The following TMEM41B variants were observed in gnomAD, a reference collection of about 807,000 sequenced individuals.
TMEM41B encodes the protein transmembrane protein 41B.
Under a neutral mutation model 31.9 loss-of-function variants are expected in TMEM41B, and 18 were observed. That is an observed-to-expected ratio of 0.56 (90% CI 0.39 to 0.84). The LOEUF (loss-of-function observed/expected upper bound fraction) is 0.84. Ranked by LOEUF, TMEM41B falls within the 40% of genes least tolerant of loss-of-function variation. The pLI, the probability that TMEM41B is intolerant of heterozygous loss-of-function variation, is 0.00. For missense variants in TMEM41B, 322 were observed against 348.0 expected, an observed-to-expected ratio of 0.93 and a Z score of 0.59; for synonymous variants, 144 against 124.3, an observed-to-expected ratio of 1.16 and a Z score of -1.05.
At chr11:9,300,914 A>C (rs941421603) in intron 1 of TMEM41B, among the ~76,000 whole-genome samples, 1 of 151,882 alleles carries the variant, frequency 6.6e-6, no homozygotes, top group Non-Finnish European at 1.5e-5. Flanking sequence ...AAAAGTATGG[A>C]ATGAGATTCC....
intron 2 of TMEM41B, among the ~76,000 whole-genome samples, chr11:9,296,029 G>T (rs891873024): frequency 6.7e-6 from 1 of 149,332 alleles, no homozygotes; most frequent in East Asian, 2.0e-4. Context: ...ACTAATTTTT[G>T]TATTTTTAGT....
rs758038217 is a variant in TMEM41B, at chr11:9,314,479, C to A, written c.-38G>T. 49 of 1,529,514 alleles carry A rather than the reference C, an allele frequency of 3.2e-5. No individual in the cohort carries two copies. The highest frequency in any genetic ancestry group is 8.3e-5 in the African/African-American group (6 of 72,256). The allele number at this position is 1,529,514 out of a possible 1,614,324, so 94.7% of individuals were successfully genotyped here. On this transcript the variant is annotated 5_prime_UTR_variant, in exon 1 of 7. Coordinates refer to ENST00000528080, the MANE Select transcript of TMEM41B (RefSeq NM_015012.4). Reference sequence around the variant, plus strand: ...GTGAAGGGAGCGGTGCGGTGCCGCGCCCCCTAAACAACAAAACTCTGTTGC... The same window carrying A: ...GTGAAGGGAGCGGTGCGGTGCCGCGACCCCTAAACAACAAAACTCTGTTGC...
intron 1 of TMEM41B, among the ~76,000 whole-genome samples, chr11:9,304,188 CAG>C (rs1177937384): frequency 2.0e-5 from 3 of 152,056 alleles, no homozygotes. Context: ...TTTTGGAACA[CAG>C]AGAATTAAAA....
rs188181044 is a variant in TMEM41B, at chr11:9,311,466, C to A, written c.121+2855G>T. Reference sequence around the variant, plus strand: ...CGGTGGGTATGGAGGAGGGTAGGGACCCGAGGATTGGCATCCTGGATACCC... The same window carrying A: ...CGGTGGGTATGGAGGAGGGTAGGGAACCGAGGATTGGCATCCTGGATACCC... On this transcript the variant is annotated intron_variant, in intron 1 of 6. Transcript: ENST00000528080. 2.5e-4 allele frequency: 358 copies of A among 1,423,528 alleles called. 2 individuals are homozygous for A. In the African/African-American group the frequency reaches 4.7e-3, roughly 19 times the overall value. The allele number at this position is 1,423,528 out of a possible 1,614,324, so 88.2% of individuals were successfully genotyped here. A position where few individuals can be genotyped will look rare whatever the true frequency, so the allele number is the denominator to read the frequency against.
intron 1 of TMEM41B, chr11:9,311,165 G>A (rs1320170896): frequency 1.6e-5 from 19 of 1,186,210 alleles, no homozygotes; most frequent in African/African-American, 9.2e-5. Flanking sequence ...AAGCTCAGGC[G>A]GGGGTAGGGT....
At chr11:9,297,855 G>T (rs1853137427) in intron 2 of TMEM41B, among the ~76,000 whole-genome samples, 1 of 151,746 alleles carries the variant, frequency 6.6e-6, no homozygotes, top group African/African-American at 2.4e-5. Flanking sequence ...CCTATGGCTG[G>T]GAACAGTGGC....
rs1853642058 is a variant in TMEM41B, at chr11:9,314,421, G to C, written c.21C>G (p.Ala7=). 11 of 1,561,246 alleles carry C rather than the reference G, an allele frequency of 7.0e-6. No homozygotes were observed. Among genetic ancestry groups the C allele is most frequent in the Non-Finnish European group, 9.5e-6 (11 of 1,152,404 alleles). ...GGTGAGCGCCCAACTGCGATCGTTC[G>C]GCGACTCTGCCTTTCGCCATGGCTG... is the stretch of plus-strand genomic sequence containing the variant. MAKGRV[A]ERSQLGAHHT... is the part of the protein sequence containing the mutation. Residue 7 remains alanine, a synonymous_variant, in exon 1 of 7, where the codon GCC becomes GCG. Transcript: ENST00000528080.
At chr11:9,303,461 T>C (rs552184726) in intron 1 of TMEM41B, among the ~76,000 whole-genome samples, 1 of 152,016 alleles carries the variant, frequency 6.6e-6, no homozygotes, top group Admixed American at 6.6e-5. Context: ...TTAATATCTG[T>C]TTATAATTTA....
chr11:9,287,316 A>C (rs1323328389), intron 5 of TMEM41B, among the ~76,000 whole-genome samples: 1 of 152,184 alleles, frequency 6.6e-6, no homozygotes, highest in Non-Finnish European at 1.5e-5. Context: ...GTCTCAAAAA[A>C]AGAAAAGAAA....
At position 9,298,434 on chromosome 11, in the gene TMEM41B, G is replaced by A. The variant is rs191376834; in HGVS notation, c.239+1150C>T. 3.3e-4 allele frequency among the ~76,000 whole-genome samples: 48 copies of A among 147,068 alleles called. No homozygotes were observed. In the East Asian group the frequency reaches 6.0e-3, roughly 18 times the overall value. ...AGATGGCACCATTGCACTCCAGCCT[G>A]GGCAACTATCTCAAAACTCAGTCTC... is the stretch of plus-strand genomic sequence containing the variant. On this transcript the variant is annotated intron_variant, in intron 2 of 6. Coordinates refer to ENST00000528080, the MANE Select transcript of TMEM41B (RefSeq NM_015012.4).
At chr11:9,297,850 G>C (rs1458481289) in intron 2 of TMEM41B, among the ~76,000 whole-genome samples, 2 of 151,776 alleles carry the variant, frequency 1.3e-5, no homozygotes, top group Admixed American at 6.6e-5. Flanking sequence ...ACTGACCTAT[G>C]GCTGGGAACA....
intron 3 of TMEM41B, among the ~76,000 whole-genome samples, chr11:9,292,826 G>A (rs1041039140): frequency 2.6e-5 from 4 of 151,784 alleles, no homozygotes; most frequent in Non-Finnish European, 5.9e-5. Context: ...AATTTTTGAG[G>A]AACTGCCATA....
intron 3 of TMEM41B, among the ~76,000 whole-genome samples, chr11:9,289,662 G>A (rs1003302922): frequency 1.1e-4 from 16 of 152,226 alleles, no homozygotes; most frequent in African/African-American, 3.4e-4. Context: ...TTCTCTCCTC[G>A]TTCCCTGTGA....
In TMEM41B at chr11:9,299,658, A is replaced by G. The variant is rs767203853; in HGVS notation, c.165T>C (p.Leu55=). 2.5e-6 allele frequency: 4 copies of G among 1,613,510 alleles called. No homozygotes were observed. The highest frequency in any genetic ancestry group is 3.4e-6 in the Non-Finnish European group (4 of 1,179,896). Residue 55 remains leucine, a synonymous_variant, in exon 2 of 7, where the codon CTT becomes CTC. Coordinates refer to ENST00000528080, the MANE Select transcript of TMEM41B (RefSeq NM_015012.4). ...CAGATAAGAAAATGGACACCAATAT[A>G]AGGAGTGACATTCTTGCTGATCCAG... The part of the protein sequence containing the change: ...VEAGSARMSL[L]ILVSIFLSAA...
chr11:9,300,873 G>C (rs143660123), intron 1 of TMEM41B, among the ~76,000 whole-genome samples: 7 of 149,648 alleles, frequency 4.7e-5, no homozygotes, highest in African/African-American at 1.5e-4. Flanking sequence ...GCAAGATTCC[G>C]TCTCAAAAAA....
chr11:9,306,002 A>T (rs11042275), intron 1 of TMEM41B, among the ~76,000 whole-genome samples: 1 of 140,108 alleles, frequency 7.1e-6, no homozygotes, highest in Non-Finnish European at 1.5e-5. Flanking sequence ...TTTTTGAGAC[A>T]GAGTCCTGCT....
At chr11:9,312,606 A>G (rs1272544164) in intron 1 of TMEM41B, among the ~76,000 whole-genome samples, 1 of 152,144 alleles carries the variant, frequency 6.6e-6, no homozygotes, top group East Asian at 1.9e-4. Flanking sequence ...ATGGGACAGC[A>G]TCATAAGAAT....
chr11:9,295,220 G>C, intron 3 of TMEM41B, 39 bp downstream of exon 3: 1 of 1,462,238 alleles, frequency 6.8e-7, no homozygotes, highest in African/African-American at 1.4e-5. Context: ...ACTTTTTCTT[G>C]AACAAAATTA....
At chr11:9,306,559 G>A (rs1853401807) in intron 1 of TMEM41B, among the ~76,000 whole-genome samples, 1 of 151,936 alleles carries the variant, frequency 6.6e-6, no homozygotes. Context: ...AGTGGCGGGC[G>A]CCTGTAGTCC....
Sources: allele counts gnomAD v4.1 joint callset (sites outside exome capture counted in the v4.1 genomes callset), GRCh38; gene constraint gnomAD v4.1.1; transcripts MANE v1.5; gene names NCBI Gene and HGNC (gene_info 2026-07-23, HGNC 2026-07-21).